The following MAML3 variants were observed in gnomAD, a reference collection of about 807,000 sequenced individuals.
MAML3 encodes mastermind like transcriptional coactivator 3, also known as mastermind-like protein 3.
A neutral mutation model predicts 101.9 loss-of-function variants in MAML3; 27 were observed. That is an observed-to-expected ratio of 0.27 (90% CI 0.20 to 0.37). The LOEUF (loss-of-function observed/expected upper bound fraction) is 0.37. Ranked by LOEUF, MAML3 falls within the 10% of genes least tolerant of loss-of-function variation. The probability of loss-of-function intolerance (pLI) is 1.00; values close to 1 mark genes in which losing one functional copy is unlikely to be tolerated. For missense variants in MAML3, 1,316 were observed against 1,444.9 expected (o/e 0.91, Z 1.45); for synonymous variants, 501 against 555.9 (o/e 0.90, Z 1.39).
At chr4:139,898,920 G>C (rs1046266580) in intron 1 of MAML3, among the ~76,000 whole-genome samples, 1 of 152,174 alleles carries the variant, frequency 6.6e-6, no homozygotes, top group Non-Finnish European at 1.5e-5. Context: ...AAAGGATCTT[G>C]AGCGTTATTT....
chr4:139,905,750 C>G (rs1732813121), intron 1 of MAML3, among the ~76,000 whole-genome samples: 1 of 152,134 alleles, frequency 6.6e-6, no homozygotes, highest in Non-Finnish European at 1.5e-5. Flanking sequence ...GAACAGTCTT[C>G]CCTCTGTCAG....
At chr4:139,772,027 C>G (rs1277103730) in intron 2 of MAML3, among the ~76,000 whole-genome samples, 1 of 151,114 alleles carries the variant, frequency 6.6e-6, no homozygotes, top group African/African-American at 2.4e-5. Context: ...ATCACGAGGT[C>G]AGCAGATCCA....
chr4:140,074,197 A>ACG (rs1560885474), intron 1 of MAML3, among the ~76,000 whole-genome samples: 1 of 89,092 alleles, frequency 1.1e-5, no homozygotes, highest in African/African-American at 4.1e-5. Context: ...GAGAGAAAGA[A>ACG]AGAGAAAGAA....
At chr4:140,027,419 G>A (rs1726843988) in intron 1 of MAML3, among the ~76,000 whole-genome samples, 1 of 152,200 alleles carries the variant, frequency 6.6e-6, no homozygotes, top group African/African-American at 2.4e-5. Context: ...CTGCTGAGAT[G>A]CTTTAACTCA....
chr4:139,921,458 C>T (rs895035792), intron 1 of MAML3, among the ~76,000 whole-genome samples: 14 of 152,174 alleles, frequency 9.2e-5, no homozygotes, highest in Non-Finnish European at 2.1e-4. Flanking sequence ...CAGTGCAAAA[C>T]AAGCATAGAG....
At chr4:139,873,668 C>T (rs943034518) in intron 2 of MAML3, among the ~76,000 whole-genome samples, 12 of 152,194 alleles carry the variant, frequency 7.9e-5, no homozygotes, top group Non-Finnish European at 1.8e-4. Flanking sequence ...ACTTAAGCAG[C>T]CCTGTGGGGA....
chr4:140,126,555 T>TA (rs1728688776), intron 1 of MAML3, among the ~76,000 whole-genome samples: 1 of 152,198 alleles, frequency 6.6e-6, no homozygotes, highest in Admixed American at 6.5e-5. Flanking sequence ...CCTTCAGAAA[T>TA]ACACTGAATC....
chr4:139,759,693 T>C (rs1231588130), intron 2 of MAML3, among the ~76,000 whole-genome samples: 2 of 152,238 alleles, frequency 1.3e-5, no homozygotes, highest in Non-Finnish European at 2.9e-5. Context: ...GTATGCATTA[T>C]TTTAATATTT....
At chr4:139,923,533 T>C (rs1028076045) in intron 1 of MAML3, among the ~76,000 whole-genome samples, 3 of 152,168 alleles carry the variant, frequency 2.0e-5, no homozygotes, top group African/African-American at 7.2e-5. Flanking sequence ...CTTCTGAAAA[T>C]TGATAAATGC....
At chr4:140,089,719 A>G (rs1320830514) in intron 1 of MAML3, among the ~76,000 whole-genome samples, 1 of 152,236 alleles carries the variant, frequency 6.6e-6, no homozygotes, top group Non-Finnish European at 1.5e-5. Flanking sequence ...TGGAGAGCAG[A>G]TCAGTGGTTA....
intron 2 of MAML3, among the ~76,000 whole-genome samples, chr4:139,792,699 G>C (rs1730434436): frequency 6.6e-6 from 1 of 151,496 alleles, no homozygotes; most frequent in Admixed American, 6.6e-5. Context: ...ACATTGCACT[G>C]GATAGTAGAA....
intron 1 of MAML3, among the ~76,000 whole-genome samples, chr4:140,108,481 C>A (rs1274806225): frequency 6.6e-6 from 1 of 151,384 alleles, no homozygotes; most frequent in African/African-American, 2.4e-5. Flanking sequence ...TCAGGCATAC[C>A]ACATTTGAAT....
intron 1 of MAML3, among the ~76,000 whole-genome samples, chr4:140,052,331 A>G (rs1727281935): frequency 1.3e-5 from 2 of 152,110 alleles, no homozygotes; most frequent in African/African-American, 4.8e-5. Flanking sequence ...TAACCAATTA[A>G]TAGCACAACA....
At chr4:140,024,419 G>A (rs186865214) in intron 1 of MAML3, among the ~76,000 whole-genome samples, 1 of 152,146 alleles carries the variant, frequency 6.6e-6, no homozygotes, top group East Asian at 1.9e-4. Flanking sequence ...ACAGAGATGG[G>A]TGCCTCACTT....
In MAML3 at chr4:140,090,674, T is replaced by C. The variant is rs535599602; in HGVS notation, c.468+62186A>G. Among the ~76,000 whole-genome samples, 11 of 152,354 alleles carry C rather than the reference T, an allele frequency of 7.2e-5. No individual in the cohort carries two copies. The East Asian group carries it at 9.6e-4, about 13-fold the overall frequency. ...GCTAAAGCTGCCTAGAAAAGCTTCA[T>C]TGAAAGAATAACTTATTCATCTTCG... On this transcript the variant is annotated intron_variant, in intron 1 of 4. Transcript: ENST00000509479.
intron 1 of MAML3, among the ~76,000 whole-genome samples, chr4:139,895,770 C>A (rs1227365846): frequency 1.3e-5 from 2 of 152,158 alleles, no homozygotes; most frequent in African/African-American, 4.8e-5. Context: ...CTAATGCATT[C>A]ATGTCCTAGA....
chr4:140,052,785 T>G (rs2110924995), intron 1 of MAML3, among the ~76,000 whole-genome samples: 1 of 152,212 alleles, frequency 6.6e-6, no homozygotes, highest in South Asian at 2.1e-4. Context: ...TCCACCCATC[T>G]CGCCCTCCCA....
chr4:140,017,222 G>A (rs1471973377), intron 1 of MAML3, among the ~76,000 whole-genome samples: 1 of 152,106 alleles, frequency 6.6e-6, no homozygotes, highest in East Asian at 1.9e-4. Context: ...TTAGCCACCA[G>A]GGAAATGCAA....
At chr4:139,991,821 G>A (rs1734677985) in intron 1 of MAML3, among the ~76,000 whole-genome samples, 1 of 151,906 alleles carries the variant, frequency 6.6e-6, no homozygotes, top group South Asian at 2.1e-4. Context: ...ACTTCAGCCT[G>A]GGTGACAGAG....
Sources: allele counts gnomAD v4.1 joint callset (sites outside exome capture counted in the v4.1 genomes callset), GRCh38; gene constraint gnomAD v4.1.1; transcripts MANE v1.5; gene names NCBI Gene and HGNC (gene_info 2026-07-23, HGNC 2026-07-21).